Variants in RAB11B observed in about 807,000 individuals in gnomAD.
The protein encoded by RAB11B is RAB11B, member RAS oncogene family.
A neutral mutation model predicts 23.7 loss-of-function variants in RAB11B; 7 were observed. The observed-to-expected ratio is 0.29, with a 90% CI of 0.17 to 0.55. The LOEUF is 0.55. Among genes scored for constraint, RAB11B ranks in the 20% least tolerant of loss-of-function variants. RAB11B has a pLI of 0.93. For synonymous variants in RAB11B, 138 were observed against 132.0 expected, an observed-to-expected ratio of 1.05 and a Z score of -0.31; for missense variants, 189 against 320.0, an observed-to-expected ratio of 0.59 and a Z score of 3.12.
chr19:8,392,759 C>T (rs369075249), intron 1 of RAB11B, among the ~76,000 whole-genome samples: 8 of 123,390 alleles, frequency 6.5e-5, no homozygotes, highest in East Asian at 4.8e-4. Context: ...GGCGCAATCT[C>T]GGCTCACTGC....
At chr19:8,397,266 G>C (rs1599686282) in intron 1 of RAB11B, among the ~76,000 whole-genome samples, 1 of 152,132 alleles carries the variant, frequency 6.6e-6, no homozygotes, top group African/African-American at 2.4e-5. Context: ...TCTAGGGAGA[G>C]AGGTAATATA....
Position 8,396,320 on chromosome 19 carries a change from TTTTG to T in RAB11B, c.41-3536_41-3533del, listed in dbSNP as rs1158831611. 1.3e-5 allele frequency among the ~76,000 whole-genome samples: 2 copies of T among 152,116 alleles called. No individual in the cohort carries two copies. Among genetic ancestry groups the T allele is most frequent in the Non-Finnish European group, 1.5e-5 (1 of 68,030 alleles). ...GGAGGCTCTGCCAGCCTTTTTGGCA[TTTTG>T]TTTGTTCACTTGACAGACATTTTCT... is the stretch of plus-strand genomic sequence containing the variant. On this transcript the variant is annotated intron_variant, in intron 1 of 4. Transcript: ENST00000328024. This position sits in a 1 kb window ranked among gnomAD's most constrained non-coding sequence, Gnocchi z 5.0.
chr19:8,401,399 G>A (rs1414482018), intron 2 of RAB11B, among the ~76,000 whole-genome samples: 1 of 148,576 alleles, frequency 6.7e-6, no homozygotes, highest in Non-Finnish European at 1.5e-5. Context: ...ATTTTTTTGA[G>A]ATAGAGTCTC....
chr19:8,392,322 C>G (rs548046068), intron 1 of RAB11B, among the ~76,000 whole-genome samples: 2 of 152,180 alleles, frequency 1.3e-5, no homozygotes, highest in African/African-American at 2.4e-5. Flanking sequence ...CCTTGAAGTG[C>G]GTTCCCAGCA....
intron 1 of RAB11B, among the ~76,000 whole-genome samples, chr19:8,395,199 T>G (rs1371435551): frequency 6.6e-6 from 1 of 151,998 alleles, no homozygotes; most frequent in Non-Finnish European, 1.5e-5. Flanking sequence ...GGGAGCCGAT[T>G]CTCATCCCTA....
intron 2 of RAB11B, among the ~76,000 whole-genome samples, chr19:8,401,543 C>T (rs996174516): frequency 3.2e-4 from 49 of 151,676 alleles, no homozygotes; most frequent in African/African-American, 9.4e-4. Flanking sequence ...CCTGCCACCA[C>T]GCCTGGCTAA....
rs1478774427 is a variant in RAB11B, at chr19:8,404,378, C to G, written c.*820C>G. ...TCCCTGTGGCCCCTGCGCTGTTGCC[C>G]CGTCCCCGTCACCCCGCCCGTTACT... is the stretch of plus-strand genomic sequence containing the variant. On this transcript the variant is annotated 3_prime_UTR_variant, in exon 5 of 5. Coordinates refer to ENST00000328024, the MANE Select transcript of RAB11B (RefSeq NM_004218.4). 2.0e-5 allele frequency: 3 copies of G among 152,236 alleles called. No individual in the cohort carries two copies. The highest frequency in any genetic ancestry group is 2.0e-4 in the Admixed American group (3 of 15,280). The allele number at this position is 152,236 out of a possible 1,614,324, so 9.4% of individuals were successfully genotyped here.
intron 1 of RAB11B, among the ~76,000 whole-genome samples, chr19:8,395,834 G>A (rs1317704774): frequency 6.6e-6 from 1 of 152,208 alleles, no homozygotes; most frequent in Non-Finnish European, 1.5e-5. Flanking sequence ...GCCACGTGCT[G>A]GGGTTTGGGG....
intron 1 of RAB11B, among the ~76,000 whole-genome samples, chr19:8,391,520 G>A (rs1971353198): frequency 6.6e-6 from 1 of 152,142 alleles, no homozygotes; most frequent in South Asian, 2.1e-4. Flanking sequence ...GGAGGAAGCC[G>A]GAGTCCCTTG....
chr19:8,396,097 G>A lies in RAB11B; in HGVS notation c.41-3766G>A, dbSNP rs559645602. On this transcript the variant is annotated intron_variant, in intron 1 of 4. Coordinates refer to ENST00000328024, the MANE Select transcript of RAB11B (RefSeq NM_004218.4). The surrounding 1 kb of genome is among the most constrained non-coding windows in gnomAD (Gnocchi z 5.0). Reference sequence around the variant, plus strand: ...AAAATGGGCTACAGGAGGCTTCTGCGAAGTAACGCACATCAAGAGCTTTGT... The same window carrying A: ...AAAATGGGCTACAGGAGGCTTCTGCAAAGTAACGCACATCAAGAGCTTTGT... 1.6e-4 allele frequency among the ~76,000 whole-genome samples: 25 copies of A among 152,306 alleles called. No individual in the cohort carries two copies. Among genetic ancestry groups the A allele is most frequent in the African/African-American group, 5.1e-4 (21 of 41,568 alleles).
At position 8,396,343 on chromosome 19, in the gene RAB11B, A is replaced by G. The variant is rs1451235716; in HGVS notation, c.41-3520A>G. On this transcript the variant is annotated intron_variant, in intron 1 of 4. Coordinates refer to ENST00000328024, the MANE Select transcript of RAB11B (RefSeq NM_004218.4). The surrounding 1 kb of genome is among the most constrained non-coding windows in gnomAD (Gnocchi z 5.0). ...CATTTTGTTTGTTCACTTGACAGACATTTTCTTGGGTGTTTATTGTGTGCC... is the reference window on the plus strand; with the variant it reads ...CATTTTGTTTGTTCACTTGACAGACGTTTTCTTGGGTGTTTATTGTGTGCC... Among the ~76,000 whole-genome samples the G allele has an allele frequency of 6.6e-6, 1 of 152,074 alleles. No homozygotes were observed. The highest frequency in any genetic ancestry group is 1.5e-5 in the Non-Finnish European group (1 of 68,008).
chr19:8,402,152 C>T lies in RAB11B; in HGVS notation c.303C>T (p.Asn101=), dbSNP rs747528523. 1.9e-5 allele frequency: 31 copies of T among 1,608,126 alleles called. No homozygotes were observed. Among genetic ancestry groups the T allele is most frequent in the Non-Finnish European group, 2.4e-5 (28 of 1,177,450 alleles). ...TCGCCAAGCACCTGACCTATGAGAACGTGGAGCGCTGGCTGAAGGAGCTGC... is the reference window on the plus strand; with the variant it reads ...TCGCCAAGCACCTGACCTATGAGAATGTGGAGCGCTGGCTGAAGGAGCTGC... ...YDIAKHLTYE[N]VERWLKELRD... Residue 101 remains asparagine, a synonymous_variant, in exon 3 of 5, where the codon AAC becomes AAT. Transcript: ENST00000328024.
intron 4 of RAB11B, 52 bp from the exon 5 acceptor site, chr19:8,403,361 C>A: frequency 6.4e-7 from 1 of 1,573,298 alleles, no homozygotes; most frequent in South Asian, 1.2e-5. Flanking sequence ...TTCCCCTCGG[C>A]AGGCAGGGCA....
chr19:8,401,268 G>T (rs1171096955), intron 2 of RAB11B, among the ~76,000 whole-genome samples: 1 of 151,412 alleles, frequency 6.6e-6, no homozygotes, highest in Non-Finnish European at 1.5e-5. Flanking sequence ...TTTTAGTAGA[G>T]ATGGGGTTTC....
At chr19:8,402,905 C>T (rs1260750107) in intron 4 of RAB11B, 6 of 470,524 alleles carry the variant, frequency 1.3e-5, no homozygotes, top group Non-Finnish European at 2.3e-5. Flanking sequence ...TCAAGTGATC[C>T]TCCTGCCTCA....
intron 1 of RAB11B, among the ~76,000 whole-genome samples, chr19:8,398,280 G>A (rs1202741624): frequency 2.6e-5 from 4 of 152,186 alleles, no homozygotes; most frequent in African/African-American, 7.2e-5. Flanking sequence ...TCAGGCCCCC[G>A]TCCCTGGGTG....
At chr19:8,400,390 C>G (rs1055315043) in intron 2 of RAB11B, 3 of 357,548 alleles carry the variant, frequency 8.4e-6, no homozygotes, top group Non-Finnish European at 1.6e-5. Flanking sequence ...ACACCTGGTC[C>G]CACACGCCTC....
At chr19:8,402,312 T>C in intron 3 of RAB11B, 33 bp downstream of exon 3, 1 of 1,537,964 alleles carries the variant, frequency 6.5e-7, no homozygotes, top group South Asian at 1.2e-5. Flanking sequence ...ATCAGAGAGG[T>C]GTCTGGAAGG....
At chr19:8,400,956 A>G (rs1971432550) in intron 2 of RAB11B, among the ~76,000 whole-genome samples, 2 of 150,452 alleles carry the variant, frequency 1.3e-5, no homozygotes, top group African/African-American at 2.5e-5. Flanking sequence ...CAGTGCCACA[A>G]TTGCAGCTCA....
Sources: allele counts gnomAD v4.1 joint callset (sites outside exome capture counted in the v4.1 genomes callset), GRCh38; gene constraint gnomAD v4.1.1; non-coding constraint Gnocchi (gnomAD v3.1); transcripts MANE v1.5; gene names NCBI Gene and HGNC (gene_info 2026-07-23, HGNC 2026-07-21).